Variants in KCTD8 observed in about 807,000 individuals in gnomAD.
KCTD8 encodes the protein potassium channel tetramerization domain containing 8.
A neutral mutation model predicts 31.5 loss-of-function variants in KCTD8; 27 were observed. That is an observed-to-expected ratio of 0.86 (90% CI 0.63 to 1.18). The LOEUF is 1.18. KCTD8 is among the 50% of genes most tolerant of loss of function. KCTD8 has a pLI of 0.00. For missense variants in KCTD8, 658 were observed against 647.7 expected, an observed-to-expected ratio of 1.02 and a Z score of -0.17; for synonymous variants, 290 against 280.0, an observed-to-expected ratio of 1.04 and a Z score of -0.36.
At chr4:44,235,281 A>C (rs11930807) in intron 1 of KCTD8, among the ~76,000 whole-genome samples, 17,576 of 150,254 alleles carry the variant, frequency 0.12, 1,270 homozygotes, top group East Asian at 0.24. Flanking sequence ...AGTTAAGCAA[A>C]CAGTTGAAGG....
At position 44,402,494 on chromosome 4, in the gene KCTD8, C is replaced by T. The variant is rs113879201; in HGVS notation, c.961+45069G>A. Among the ~76,000 whole-genome samples the T allele has an allele frequency of 5.5e-3, 840 of 152,180 alleles. 10 individuals are homozygous for T. The highest frequency in any genetic ancestry group is 0.019 in the African/African-American group (799 of 41,546). ...TAAGAATGAAAACAACCCAGAGAAA[C>T]AAGTCTACGGTAGTGCCCCCATAAA... On this transcript the variant is annotated intron_variant, in intron 1 of 1. Coordinates refer to ENST00000360029, the MANE Select transcript of KCTD8 (RefSeq NM_198353.3).
At position 44,322,868 on chromosome 4, in the gene KCTD8, G is replaced by C. The variant is rs148756455; in HGVS notation, c.961+124695C>G. 7.7e-3 allele frequency among the ~76,000 whole-genome samples: 1,164 copies of C among 151,994 alleles called. 22 individuals carry two copies. The highest frequency in any genetic ancestry group is 0.041 in the Middle Eastern group (12 of 294). On this transcript the variant is annotated intron_variant, in intron 1 of 1. Coordinates refer to ENST00000360029, the MANE Select transcript of KCTD8 (RefSeq NM_198353.3). ...GTTCTTTTCTCAATGTATGTTATTG[G>C]TGCCTTTGGTAAAATAAATTGGCTA...
At chr4:44,195,873 T>A (rs1044712902) in intron 1 of KCTD8, among the ~76,000 whole-genome samples, 1 of 152,216 alleles carries the variant, frequency 6.6e-6, no homozygotes. Flanking sequence ...TTGGAAAATA[T>A]GTAAAGCTTG....
chr4:44,188,903 G>A (rs573988976), intron 1 of KCTD8, among the ~76,000 whole-genome samples: 1 of 152,136 alleles, frequency 6.6e-6, no homozygotes, highest in African/African-American at 2.4e-5. Flanking sequence ...TCAGACTCTG[G>A]AGTCTGTGAG....
chr4:44,318,441 T>C (rs1577613127), intron 1 of KCTD8, among the ~76,000 whole-genome samples: 1 of 152,134 alleles, frequency 6.6e-6, no homozygotes, highest in Non-Finnish European at 1.5e-5. Context: ...TTTGGAAAGA[T>C]ATGAGCTAGA....
At chr4:44,445,803 A>G (rs927078485) in intron 1 of KCTD8, among the ~76,000 whole-genome samples, 2 of 152,188 alleles carry the variant, frequency 1.3e-5, no homozygotes, top group Admixed American at 1.3e-4. Context: ...AATGTTTGGA[A>G]ATCTACATTG....
chr4:44,344,950 ACTTTAG>A (rs1345487577), intron 1 of KCTD8, among the ~76,000 whole-genome samples: 2 of 152,058 alleles, frequency 1.3e-5, no homozygotes, highest in Non-Finnish European at 2.9e-5. Context: ...TTCAGCTTAA[ACTTTAG>A]CTCTCATTTT....
intron 1 of KCTD8, among the ~76,000 whole-genome samples, chr4:44,420,510 G>T (rs1172270707): frequency 6.6e-6 from 1 of 152,188 alleles, no homozygotes; most frequent in African/African-American, 2.4e-5. Context: ...CAGGTGAAAA[G>T]AATGGACACA....
At chr4:44,244,851 G>GA (rs1244600948) in intron 1 of KCTD8, among the ~76,000 whole-genome samples, 22 of 144,342 alleles carry the variant, frequency 1.5e-4, no homozygotes, top group South Asian at 1.5e-3. Flanking sequence ...TAGTTGTGGG[G>GA]GGGGGGGGGT....
chr4:44,222,897 G>A (rs1225343889), intron 1 of KCTD8, among the ~76,000 whole-genome samples: 1 of 152,162 alleles, frequency 6.6e-6, no homozygotes, highest in Non-Finnish European at 1.5e-5. Flanking sequence ...GTAAACAGTG[G>A]CCCTGAAACT....
At chr4:44,298,861 A>G (rs1717522691) in intron 1 of KCTD8, among the ~76,000 whole-genome samples, 1 of 152,248 alleles carries the variant, frequency 6.6e-6, no homozygotes, top group Non-Finnish European at 1.5e-5. Context: ...GATAGTAAAT[A>G]AAGTAACAAA....
At chr4:44,295,071 T>A (rs1186822834) in intron 1 of KCTD8, among the ~76,000 whole-genome samples, 1 of 152,066 alleles carries the variant, frequency 6.6e-6, no homozygotes, top group Non-Finnish European at 1.5e-5. Flanking sequence ...GGCAGGGGGA[T>A]CCCTTGAGCC....
intron 1 of KCTD8, among the ~76,000 whole-genome samples, chr4:44,295,544 A>G (rs994082232): frequency 1.5e-4 from 22 of 150,238 alleles, no homozygotes; most frequent in Admixed American, 3.3e-4. Context: ...TAAACATTTT[A>G]TTTGTACCTG....
chr4:44,343,293 C>T (rs1319990760), intron 1 of KCTD8, among the ~76,000 whole-genome samples: 1 of 151,884 alleles, frequency 6.6e-6, no homozygotes, highest in Non-Finnish European at 1.5e-5. Flanking sequence ...TTAGGGAGAC[C>T]CAAAGAAAGG....
chr4:44,448,247 T>C lies in KCTD8; in HGVS notation c.277A>G (p.Ser93Gly), dbSNP rs368933267. The change falls in exon 1 of 2, where the codon AGC (serine) becomes GGC (glycine). Residue 93 changes from serine to glycine, a missense_variant. Coordinates refer to ENST00000360029, the MANE Select transcript of KCTD8 (RefSeq NM_198353.3). This position sits in a 1 kb window ranked among gnomAD's most constrained non-coding sequence, Gnocchi z 4.1. ...ARRRGELPRD[S>G]RARFFIDRDG... ...CGGTCGATGAAGAAGCGCGCCCGGC[T>C]GTCCCTGGGCAGCTCGCCCCGGCGC... is the stretch of plus-strand genomic sequence containing the variant. 4.7e-5 allele frequency: 76 copies of C among 1,610,680 alleles called. No homozygotes were observed. The highest frequency in any genetic ancestry group is 6.1e-5 in the Non-Finnish European group (72 of 1,179,052).
chr4:44,233,213 A>C (rs1331759008), intron 1 of KCTD8, among the ~76,000 whole-genome samples: 1 of 152,104 alleles, frequency 6.6e-6, no homozygotes, highest in South Asian at 2.1e-4. Context: ...AGTTATCTTT[A>C]GACTACTCTG....
chr4:44,195,265 G>A (rs1176392415), intron 1 of KCTD8, among the ~76,000 whole-genome samples: 2 of 151,840 alleles, frequency 1.3e-5, no homozygotes. Context: ...GGATTGATTA[G>A]TAAAGACTCC....
chr4:44,196,515 T>C (rs1005863655), intron 1 of KCTD8, among the ~76,000 whole-genome samples: 24 of 152,176 alleles, frequency 1.6e-4, no homozygotes, highest in African/African-American at 5.8e-4. Context: ...GCACCCGCTC[T>C]CATGAAGAAG....
chr4:44,357,209 AACAAAAAGGATAAATAACTTG>A (rs1412187543), intron 1 of KCTD8, among the ~76,000 whole-genome samples: 1 of 152,154 alleles, frequency 6.6e-6, no homozygotes, highest in African/African-American at 2.4e-5. Context: ...AAAATTAAGA[AACAAAAAGGATAAATAACTTG>A]ACAAAAGCAA....
Sources: gnomAD v4.1 joint callset for allele counts (sites outside exome capture counted in the v4.1 genomes callset) on GRCh38, gnomAD v4.1.1 for gene constraint, Gnocchi (gnomAD v3.1) non-coding constraint, MANE v1.5 for transcripts, NCBI Gene and HGNC (gene_info 2026-07-23, HGNC 2026-07-21) for gene names.